VPS37A: variants seen among roughly 807,000 people sequenced by gnomAD.
The protein encoded by VPS37A is vacuolar protein sorting-associated protein 37A.
In VPS37A, 30 loss-of-function variants were observed where a neutral mutation model predicts 49.8. The ratio of observed to expected loss-of-function variants is 0.60; its 90% confidence interval spans 0.45 to 0.82. The LOEUF is 0.82. VPS37A is among the 40% of genes least tolerant of loss of function. The pLI is 0.00. For synonymous variants in VPS37A, 195 were observed against 160.6 expected (o/e 1.21, Z -1.62); for missense variants, 593 against 464.4 (o/e 1.28, Z -2.55).
chr8:17,284,525 C>G lies in VPS37A; in HGVS notation c.1022C>G (p.Ala341Gly), dbSNP rs1343542027. The G allele has an allele frequency of 6.3e-7, 1 of 1,599,446 alleles. No homozygotes were observed. The highest frequency in any genetic ancestry group is 1.1e-5 in the South Asian group (1 of 87,808). The change falls in exon 10 of 12, where the codon GCT becomes GGT. Residue 341 changes from alanine (A) to glycine (G), a missense_variant. Coordinates refer to ENST00000324849, the MANE Select transcript of VPS37A (RefSeq NM_152415.3). ...AGATTGAAAGTAGCTGCACATGAAG[C>G]TGAGGAAGAATCTGATAATATTGCA... ...QARLKVAAHE[A>G]EEESDNIAED...
intron 1 of VPS37A, among the ~76,000 whole-genome samples, chr8:17,258,442 A>G (rs1446439748): frequency 1.3e-5 from 2 of 152,152 alleles, no homozygotes; most frequent in African/African-American, 4.8e-5. Context: ...TATCACATTT[A>G]TTGATTTGCA....
chr8:17,306,364 G>A (rs1366886084), downstream of VPS37A, among the ~76,000 whole-genome samples: 1 of 151,860 alleles, frequency 6.6e-6, no homozygotes, highest in African/African-American at 2.4e-5. Context: ...TGTTTTGTTG[G>A]GAAGGGATGA....
At chr8:17,283,777 TA>T (rs1815330487) in intron 9 of VPS37A, among the ~76,000 whole-genome samples, 1 of 152,200 alleles carries the variant, frequency 6.6e-6, no homozygotes, top group South Asian at 2.1e-4. Flanking sequence ...GAGGAAATAT[TA>T]ATCATCTTTA....
At chr8:17,268,107 C>G in intron 2 of VPS37A, 151 bp from the exon 3 acceptor site, 1 of 515,456 alleles carries the variant, frequency 1.9e-6, no homozygotes. Flanking sequence ...TATTTTCAGA[C>G]AACACCATAA....
chr8:17,260,776 G>A (rs1230463401), intron 1 of VPS37A, among the ~76,000 whole-genome samples: 2 of 152,080 alleles, frequency 1.3e-5, no homozygotes, highest in African/African-American at 2.4e-5. Flanking sequence ...TTTCCTTTCA[G>A]CATTTGGAAA....
chr8:17,324,455 A>G, the VPS37A span, among the ~76,000 whole-genome samples: 1 of 152,188 alleles, frequency 6.6e-6, no homozygotes, highest in South Asian at 2.1e-4. Flanking sequence ...ACTGAGCTGG[A>G]ATCCATTCCA....
At chr8:17,312,574 CAAAAAAAA>C in the VPS37A span, among the ~76,000 whole-genome samples, 18 of 87,252 alleles carry the variant, frequency 2.1e-4, no homozygotes, top group South Asian at 4.3e-4. Context: ...GACTCCCTCT[CAAAAAAAA>C]AAAAAAAAAA....
At chr8:17,288,427 G>A (rs777452803) in intron 11 of VPS37A, among the ~76,000 whole-genome samples, 37 of 152,032 alleles carry the variant, frequency 2.4e-4, no homozygotes, top group Non-Finnish European at 2.8e-4. Context: ...GTGCCCATAT[G>A]TTCTCATTGT....
intron 4 of VPS37A, among the ~76,000 whole-genome samples, chr8:17,271,543 T>C (rs1181284301): frequency 6.6e-6 from 1 of 152,066 alleles, no homozygotes; most frequent in East Asian, 1.9e-4. Context: ...GAGGAAGAGC[T>C]TGCAGTGAGC....
At chr8:17,272,314 G>T (rs944326554) in intron 4 of VPS37A, among the ~76,000 whole-genome samples, 4 of 151,972 alleles carry the variant, frequency 2.6e-5, no homozygotes, top group East Asian at 1.9e-4. Context: ...CCACTTCCAG[G>T]TACTTCAGCC....
rs1811291597 is a variant in VPS37A, at chr8:17,247,123, C to A, written c.-122C>A. ...GGACAGGCTTAGAGAAGACGCGGTCCCCAGCGCTTGGGCCACGGACGTCCC... is the reference window on the plus strand; with the variant it reads ...GGACAGGCTTAGAGAAGACGCGGTCACCAGCGCTTGGGCCACGGACGTCCC... On this transcript the variant is annotated 5_prime_UTR_variant, in exon 1 of 12. Transcript: ENST00000324849. 1 of 1,350,710 alleles carries A rather than the reference C, an allele frequency of 7.4e-7. No homozygotes were observed. 83.7% of individuals were successfully genotyped at this position (1,350,710 alleles called of 1,614,324 possible).
chr8:17,302,260 T>C (rs563338321), downstream of VPS37A: 537 of 1,613,876 alleles, frequency 3.3e-4, 12 homozygotes, highest in South Asian at 5.6e-3. Flanking sequence ...TTCAAAGCGG[T>C]TATACATTCC....
rs1038607633 is a variant in VPS37A at position 17,266,041 on chromosome 8, T to G, written c.200+60T>G. 2.1e-6 allele frequency: 3 copies of G among 1,441,108 alleles called. No individual in the cohort carries two copies. In the African/African-American group the frequency reaches 4.3e-5, roughly 21 times the overall value. 89.3% of individuals were successfully genotyped at this position (1,441,108 alleles called of 1,614,324 possible). On this transcript the variant is annotated intron_variant, in intron 2 of 11. Coordinates refer to ENST00000324849, the MANE Select transcript of VPS37A (RefSeq NM_152415.3). ...AGGACTTAACAGTTTTTTTATTGTT[T>G]CTTAGTTATTAGAAATAAACTTTTA...
At chr8:17,265,349 C>G (rs998332787) in intron 1 of VPS37A, among the ~76,000 whole-genome samples, 6 of 152,174 alleles carry the variant, frequency 3.9e-5, no homozygotes, top group African/African-American at 1.4e-4. Flanking sequence ...ATAGCAACAA[C>G]TAGCTATAAG....
chr8:17,258,918 A>G (rs1812728749), intron 1 of VPS37A, among the ~76,000 whole-genome samples: 1 of 152,006 alleles, frequency 6.6e-6, no homozygotes, highest in African/African-American at 2.4e-5. Flanking sequence ...GTGGTGCCTA[A>G]TGATTCTTTA....
chr8:17,248,711 A>T (rs1385180061), intron 1 of VPS37A, among the ~76,000 whole-genome samples: 2 of 152,222 alleles, frequency 1.3e-5, no homozygotes, highest in Non-Finnish European at 2.9e-5. Context: ...CTGCAAAATC[A>T]GTTTGGCTAA....
the VPS37A span, among the ~76,000 whole-genome samples, chr8:17,318,287 C>T: frequency 6.6e-6 from 1 of 152,112 alleles, no homozygotes; most frequent in Non-Finnish European, 1.5e-5. Context: ...CAGACGTACA[C>T]CAAATGCTGC....
chr8:17,310,859 A>C, the VPS37A span, among the ~76,000 whole-genome samples: 1 of 152,154 alleles, frequency 6.6e-6, no homozygotes, highest in African/African-American at 2.4e-5. Context: ...AGGTGAATTC[A>C]TTTTAAGGAA....
chr8:17,264,483 A>G (rs1813265943), intron 1 of VPS37A, among the ~76,000 whole-genome samples: 1 of 152,208 alleles, frequency 6.6e-6, no homozygotes, highest in Admixed American at 6.5e-5. Context: ...TCTTTTCTTA[A>G]TCGTTTTTTC....
Sources: gnomAD v4.1 joint callset for allele counts (sites outside exome capture counted in the v4.1 genomes callset) on GRCh38, gnomAD v4.1.1 for gene constraint, MANE v1.5 for transcripts, NCBI Gene and HGNC (gene_info 2026-07-23, HGNC 2026-07-21) for gene names.